Variants in RAB38 observed in about 807,000 individuals in gnomAD.
The protein encoded by RAB38 is ras-related protein Rab-38.
In RAB38, 15 loss-of-function variants were observed where a neutral mutation model predicts 18.4. That is an observed-to-expected ratio of 0.82 (90% confidence interval 0.55 to 1.26). The LOEUF (loss-of-function observed/expected upper bound fraction) is 1.26, where lower values mean the gene tolerates loss of function less well. Among genes scored for constraint, RAB38 ranks in the 50% most tolerant of loss-of-function variants. The probability of loss-of-function intolerance (pLI) is 0.00; values close to 1 mark genes in which losing one functional copy is unlikely to be tolerated. For missense variants in RAB38, 294 were observed against 267.4 expected, an observed-to-expected ratio of 1.10 and a Z score of -0.69; for synonymous variants, 101 against 104.4, an observed-to-expected ratio of 0.97 and a Z score of 0.20.
intron 2 of RAB38, among the ~76,000 whole-genome samples, chr11:88,131,541 C>T (rs573638098): frequency 6.6e-6 from 1 of 152,238 alleles, no homozygotes; most frequent in Non-Finnish European, 1.5e-5. Flanking sequence ...GTAGGGTTTC[C>T]TATAAAACTA....
At chr11:88,073,742 T>G in the RAB38 span, among the ~76,000 whole-genome samples, 6 of 150,376 alleles carry the variant, frequency 4.0e-5, no homozygotes, top group African/African-American at 1.5e-4. Context: ...AAATTCAAAA[T>G]AGTAGTTAAA....
the RAB38 span, among the ~76,000 whole-genome samples, chr11:88,033,725 C>CCTTT: frequency 9.9e-6 from 1 of 101,120 alleles, no homozygotes; most frequent in African/African-American, 3.9e-5. Context: ...GTTGTGTTGC[C>CCTTT]TTTTTTTTTT....
chr11:88,175,355 G>T lies in RAB38; in HGVS notation c.30C>A (p.Tyr10Ter). Residue 10 changes from tyrosine (Y) to a stop codon, truncating the protein, a stop_gained, in exon 1 of 3, where the codon TAC becomes TAA. Coordinates refer to ENST00000243662, the MANE Select transcript of RAB38 (RefSeq NM_022337.3). LOFTEE classifies it high-confidence loss of function. MQAPHKEHL[Y>*]KLLVIGDLGV... ...CCAGGTCGCCAATCACCAGCAACTT[G>T]TACAGGTGCTCCTTGTGCGGGGCCT... is the stretch of plus-strand genomic sequence containing the variant. The T allele has an allele frequency of 6.2e-7, 1 of 1,614,214 alleles. No homozygotes were observed.
At chr11:87,850,487 C>T in the RAB38 span, among the ~76,000 whole-genome samples, 723 of 152,038 alleles carry the variant, frequency 4.8e-3, 5 homozygotes, top group African/African-American at 0.016. Context: ...TGTGTGCACG[C>T]GCATGCACTC....
At chr11:87,873,419 T>C in the RAB38 span, among the ~76,000 whole-genome samples, 1 of 151,682 alleles carries the variant, frequency 6.6e-6, no homozygotes, top group Admixed American at 6.6e-5. Context: ...CTCTTGACAG[T>C]ATTTTTTGCA....
chr11:88,041,031 G>A, the RAB38 span, among the ~76,000 whole-genome samples: 1 of 152,184 alleles, frequency 6.6e-6, no homozygotes, highest in African/African-American at 2.4e-5. Flanking sequence ...TTCCCTGTGT[G>A]TTCCTCTCCA....
the RAB38 span, among the ~76,000 whole-genome samples, chr11:88,038,718 A>G: frequency 6.6e-6 from 1 of 152,180 alleles, no homozygotes; most frequent in African/African-American, 2.4e-5. Flanking sequence ...CGAATTATAT[A>G]TCTGCAAAAT....
At chr11:88,173,473 G>GC in intron 1 of RAB38, 1 of 954,134 alleles carries the variant, frequency 1.0e-6, no homozygotes, top group Non-Finnish European at 1.2e-6. Context: ...TTCAACTCTG[G>GC]AATTTGGGCT....
At chr11:88,033,390 A>T in the RAB38 span, among the ~76,000 whole-genome samples, 5 of 151,706 alleles carry the variant, frequency 3.3e-5, no homozygotes, top group Non-Finnish European at 7.4e-5. Flanking sequence ...TAATAAAAAA[A>T]AGAAAAAAAA....
At chr11:88,044,995 G>C in the RAB38 span, among the ~76,000 whole-genome samples, 1 of 152,096 alleles carries the variant, frequency 6.6e-6, no homozygotes, top group African/African-American at 2.4e-5. Flanking sequence ...AAGATGGCTG[G>C]AGCTAAAGGC....
chr11:88,080,328 A>G, the RAB38 span, among the ~76,000 whole-genome samples: 1 of 151,954 alleles, frequency 6.6e-6, no homozygotes, highest in Non-Finnish European at 1.5e-5. Context: ...CCAATAATAA[A>G]TATGCAACAT....
chr11:88,021,738 C>T, the RAB38 span, among the ~76,000 whole-genome samples: 2 of 150,012 alleles, frequency 1.3e-5, no homozygotes, highest in Non-Finnish European at 3.0e-5. Flanking sequence ...TACAGACCTA[C>T]GCTCAACTAA....
chr11:88,006,646 G>T, the RAB38 span, among the ~76,000 whole-genome samples: 3 of 136,154 alleles, frequency 2.2e-5, no homozygotes, highest in Non-Finnish European at 3.1e-5. Flanking sequence ...TACACATATA[G>T]ACACACAGTG....
chr11:87,826,969 G>A, the RAB38 span, among the ~76,000 whole-genome samples: 1 of 152,260 alleles, frequency 6.6e-6, no homozygotes, highest in African/African-American at 2.4e-5. Flanking sequence ...GGCCTGGTTT[G>A]AGCCTGACAT....
the RAB38 span, among the ~76,000 whole-genome samples, chr11:87,849,011 T>G: frequency 6.6e-6 from 1 of 152,042 alleles, no homozygotes; most frequent in East Asian, 1.9e-4. Context: ...TATTTTTCCC[T>G]CCCCAGGCTT....
intron 2 of RAB38, among the ~76,000 whole-genome samples, chr11:88,119,064 C>G (rs1047492234): frequency 3.9e-5 from 6 of 152,084 alleles, no homozygotes; most frequent in Non-Finnish European, 7.4e-5. Flanking sequence ...ACAATGAATC[C>G]TAGGAATAAA....
At chr11:87,944,930 G>A in the RAB38 span, among the ~76,000 whole-genome samples, 1 of 152,090 alleles carries the variant, frequency 6.6e-6, no homozygotes, top group East Asian at 1.9e-4. Flanking sequence ...TCTAAATAAT[G>A]TTAGTTCATA....
At chr11:88,136,159 G>A (rs533967002) in intron 2 of RAB38, among the ~76,000 whole-genome samples, 2 of 152,274 alleles carry the variant, frequency 1.3e-5, no homozygotes, top group South Asian at 4.1e-4. Flanking sequence ...CAGCCTTTGA[G>A]CACTCCCGTA....
At chr11:87,814,600 G>T in the RAB38 span, among the ~76,000 whole-genome samples, 1 of 152,160 alleles carries the variant, frequency 6.6e-6, no homozygotes, top group Non-Finnish European at 1.5e-5. Flanking sequence ...TTCAGCTTTG[G>T]GTGTTGATGG....
Sources: allele counts gnomAD v4.1 joint callset (sites outside exome capture counted in the v4.1 genomes callset), GRCh38; gene constraint gnomAD v4.1.1; transcripts MANE v1.5; gene names NCBI Gene and HGNC (gene_info 2026-07-23, HGNC 2026-07-21).